The following HAPSTR1 variants were observed in gnomAD, a reference collection of about 807,000 sequenced individuals.
HAPSTR1 encodes the protein HUWE1-associated protein modifying stress responses 1.
chr16:9,096,481 T>A, the HAPSTR1 span, among the ~76,000 whole-genome samples: 1 of 152,222 alleles, frequency 6.6e-6, no homozygotes, highest in Non-Finnish European at 1.5e-5. Flanking sequence ...TTTTGATACA[T>A]CTTGATGCCA....
chr16:9,114,297 G>A, the HAPSTR1 span, among the ~76,000 whole-genome samples: 1 of 152,088 alleles, frequency 6.6e-6, no homozygotes, highest in Admixed American at 6.6e-5. Context: ...ATATCACCCA[G>A]GGTGACACCA....
At chr16:9,119,656 G>C in the HAPSTR1 span, 1 of 152,228 alleles carries the variant, frequency 6.6e-6, no homozygotes, top group Admixed American at 6.5e-5. Context: ...CTGGAGTAGT[G>C]ATAAACACCT....
At chr16:9,116,503 AGAT>A in the HAPSTR1 span, among the ~76,000 whole-genome samples, 2 of 152,164 alleles carry the variant, frequency 1.3e-5, no homozygotes, top group African/African-American at 4.8e-5. Flanking sequence ...TGTCAAGGCC[AGAT>A]GATATGTTTA....
chr16:9,102,093 C>T, the HAPSTR1 span, among the ~76,000 whole-genome samples: 1 of 152,180 alleles, frequency 6.6e-6, no homozygotes, highest in Non-Finnish European at 1.5e-5. Flanking sequence ...GCCTGGGCAA[C>T]AGAGAGACTC....
the HAPSTR1 span, chr16:9,121,399 TC>T: frequency 2.0e-5 from 3 of 152,266 alleles, no homozygotes; most frequent in Non-Finnish European, 4.4e-5. Context: ...GAGCGCCTGT[TC>T]CCTTACATCG....
the HAPSTR1 span, chr16:9,119,546 A>T: frequency 6.6e-6 from 1 of 152,226 alleles, no homozygotes; most frequent in South Asian, 2.1e-4. Flanking sequence ...AGCATGGCTG[A>T]AGTATTAAAA....
At chr16:9,103,347 A>G in the HAPSTR1 span, 3 of 1,388,340 alleles carry the variant, frequency 2.2e-6, no homozygotes, top group East Asian at 2.4e-5. Flanking sequence ...AGGTCCAGAT[A>G]TACTGTTTTT....
the HAPSTR1 span, chr16:9,116,859 T>C: frequency 4.5e-5 from 73 of 1,614,218 alleles, no homozygotes; most frequent in Non-Finnish European, 6.0e-5. Flanking sequence ...CTCAGCCCAG[T>C]GTGGCGATGT....
chr16:9,108,024 C>T, the HAPSTR1 span: 1 of 152,162 alleles, frequency 6.6e-6, no homozygotes, highest in East Asian at 1.9e-4. Flanking sequence ...CCCCAGATAG[C>T]TACAATCAGG....
At chr16:9,107,870 T>G in the HAPSTR1 span, 1 of 148,266 alleles carries the variant, frequency 6.7e-6, no homozygotes, top group Non-Finnish European at 1.5e-5. Context: ...TCTTGGTCCT[T>G]TTTTTTTTGG....
the HAPSTR1 span, chr16:9,104,460 G>A: frequency 2.0e-5 from 3 of 152,222 alleles, no homozygotes; most frequent in African/African-American, 7.2e-5. Context: ...CTAAAACAAA[G>A]TAACCTGGTA....
chr16:9,094,092 A>T, the HAPSTR1 span, among the ~76,000 whole-genome samples: 1 of 152,148 alleles, frequency 6.6e-6, no homozygotes, highest in Non-Finnish European at 1.5e-5. Flanking sequence ...AAATGGCCGC[A>T]GCATCTTGTA....
chr16:9,118,654 AACAG>A, the HAPSTR1 span: 1 of 152,342 alleles, frequency 6.6e-6, no homozygotes, highest in Admixed American at 6.5e-5. Context: ...TTTTACCTGA[AACAG>A]ACAAGCCTAT....
At chr16:9,112,958 A>G in the HAPSTR1 span, 1 of 146,728 alleles carries the variant, frequency 6.8e-6, no homozygotes, top group Admixed American at 6.8e-5. Context: ...TTGAAAAAGT[A>G]TGTTTTTGTA....
chr16:9,098,256 C>T, the HAPSTR1 span, among the ~76,000 whole-genome samples: 54 of 152,158 alleles, frequency 3.5e-4, no homozygotes, highest in Non-Finnish European at 5.0e-4. Context: ...TTGCTTGAAC[C>T]TGGGAGGCGG....
the HAPSTR1 span, among the ~76,000 whole-genome samples, chr16:9,101,082 A>G: frequency 6.6e-6 from 1 of 152,162 alleles, no homozygotes; most frequent in Non-Finnish European, 1.5e-5. Context: ...TTTTACATTT[A>G]TCCTTTATGT....
chr16:9,102,551 T>C, the HAPSTR1 span, among the ~76,000 whole-genome samples: 1 of 152,268 alleles, frequency 6.6e-6, no homozygotes, highest in Non-Finnish European at 1.5e-5. Flanking sequence ...CATTTGCTGC[T>C]GCCTTCAGCT....
At chr16:9,093,608 G>A in the HAPSTR1 span, among the ~76,000 whole-genome samples, 1 of 152,150 alleles carries the variant, frequency 6.6e-6, no homozygotes, top group African/African-American at 2.4e-5. Flanking sequence ...TTGATCAAGT[G>A]TTTTCTGTTA....
the HAPSTR1 span, chr16:9,120,115 C>T: frequency 6.6e-6 from 1 of 152,182 alleles, no homozygotes; most frequent in Non-Finnish European, 1.5e-5. Flanking sequence ...TAACCTGGTG[C>T]TTCATTCATT....
Sources: allele counts gnomAD v4.1 joint callset (sites outside exome capture counted in the v4.1 genomes callset), GRCh38; gene constraint gnomAD v4.1.1; transcripts MANE v1.5; gene names NCBI Gene and HGNC (gene_info 2026-07-23, HGNC 2026-07-21).